The following SBF2 variants were observed in gnomAD, a reference collection of about 807,000 sequenced individuals.
The protein encoded by SBF2 is myotubularin-related protein 13.
Under a neutral mutation model 225.2 loss-of-function variants are expected in SBF2, and 112 were observed. The ratio of observed to expected loss-of-function variants is 0.50; its 90% CI spans 0.43 to 0.58. The LOEUF is 0.58. SBF2 is among the 20% of genes least tolerant of loss of function. The pLI is 0.00. For synonymous variants in SBF2, 763 were observed against 773.3 expected, an observed-to-expected ratio of 0.99 and a Z score of 0.22; for missense variants, 1,996 against 2,206.2, an observed-to-expected ratio of 0.90 and a Z score of 1.91.
chr11:9,970,299 C>T (rs542491707), intron 13 of SBF2, among the ~76,000 whole-genome samples: 45 of 151,978 alleles, frequency 3.0e-4, no homozygotes, highest in Non-Finnish European at 6.2e-4. Flanking sequence ...CTCCACCTCC[C>T]GGGTTCACAC....
intron 17 of SBF2, among the ~76,000 whole-genome samples, chr11:9,858,730 T>A (rs1215275905): frequency 6.6e-6 from 1 of 152,208 alleles, no homozygotes; most frequent in Non-Finnish European, 1.5e-5. Context: ...TATAATAAAA[T>A]CCATCACGAT....
intron 1 of SBF2, among the ~76,000 whole-genome samples, chr11:10,279,375 T>G (rs1433927580): frequency 7.0e-6 from 1 of 142,810 alleles, no homozygotes; most frequent in Non-Finnish European, 1.5e-5. Flanking sequence ...GTCGCACCAT[T>G]GCACTCCAGC....
intron 16 of SBF2, chr11:9,915,702 T>C (rs1300359240): frequency 6.6e-6 from 1 of 152,064 alleles, no homozygotes; most frequent in East Asian, 1.9e-4. Flanking sequence ...GTTGACCAAA[T>C]AAATAAAATG....
At chr11:10,226,812 C>T (rs557334501) in intron 1 of SBF2, among the ~76,000 whole-genome samples, 138 of 152,240 alleles carry the variant, frequency 9.1e-4, no homozygotes, top group African/African-American at 3.2e-3. Flanking sequence ...GTCTTTATAG[C>T]AGCATGATTT....
intron 13 of SBF2, among the ~76,000 whole-genome samples, chr11:9,970,664 C>T (rs2134395497): frequency 6.6e-6 from 1 of 152,312 alleles, no homozygotes; most frequent in Middle Eastern, 3.4e-3. Flanking sequence ...CACATGGGTT[C>T]CAGTTCTTGC....
chr11:9,846,434 G>T (rs965856925), intron 23 of SBF2, among the ~76,000 whole-genome samples: 1 of 152,186 alleles, frequency 6.6e-6, no homozygotes, highest in East Asian at 1.9e-4. Context: ...TTCTTCCAGG[G>T]TCTGGTTTGC....
At chr11:9,877,544 C>A (rs1212209938) in intron 17 of SBF2, among the ~76,000 whole-genome samples, 2 of 152,098 alleles carry the variant, frequency 1.3e-5, no homozygotes, top group East Asian at 1.9e-4. Flanking sequence ...TATCCCTACC[C>A]CAATCCCCAA....
intron 1 of SBF2, among the ~76,000 whole-genome samples, chr11:10,278,279 G>A (rs1018073890): frequency 2.0e-5 from 3 of 152,116 alleles, no homozygotes; most frequent in Non-Finnish European, 4.4e-5. Context: ...ACATTGATAA[G>A]TATATGGGAA....
At chr11:9,837,071 C>A (rs1855774604) in intron 26 of SBF2, among the ~76,000 whole-genome samples, 1 of 152,056 alleles carries the variant, frequency 6.6e-6, no homozygotes. Context: ...AATTTTTATA[C>A]CTTTTATTAC....
chr11:10,121,637 A>C (rs1045016015), intron 2 of SBF2, among the ~76,000 whole-genome samples: 3 of 152,368 alleles, frequency 2.0e-5, no homozygotes, highest in East Asian at 1.9e-4. Flanking sequence ...AAACAAAAAC[A>C]ACCAACATTG....
chr11:10,134,780 A>G (rs1954268313), intron 2 of SBF2, among the ~76,000 whole-genome samples: 1 of 152,160 alleles, frequency 6.6e-6, no homozygotes, highest in South Asian at 2.1e-4. Flanking sequence ...TGCAGGGTAT[A>G]GCCTCCCTCC....
intron 2 of SBF2, among the ~76,000 whole-genome samples, chr11:10,179,386 A>C (rs1015524764): frequency 8.4e-6 from 1 of 119,618 alleles, no homozygotes; most frequent in Non-Finnish European, 1.9e-5. Flanking sequence ...AAACAAAAAA[A>C]CAAAAAAAAA....
intron 2 of SBF2, among the ~76,000 whole-genome samples, chr11:10,111,679 C>T (rs1008943231): frequency 6.6e-6 from 1 of 152,082 alleles, no homozygotes; most frequent in Non-Finnish European, 1.5e-5. Flanking sequence ...AGTTCAAGAC[C>T]AGCCTGGCCA....
At position 9,781,405 on chromosome 11, in the gene SBF2, A is replaced by C. The variant is rs3763862; in HGVS notation, c.5451+102T>G. On this transcript the variant is annotated intron_variant, in intron 39 of 39. Transcript: ENST00000256190. ...CCATAGCCAAGGGGGTCTGTCATCC[A>C]TCTGTAGTCACCACCAATTACTCTG... 0.6 allele frequency: 898,558 copies of C among 1,496,014 alleles called. 279,718 individuals carry two copies. Among genetic ancestry groups the C allele is most frequent in the Non-Finnish European group, 0.65 (705,175 of 1,078,412 alleles). 92.7% of individuals were successfully genotyped at this position (1,496,014 alleles called of 1,614,324 possible).
intron 17 of SBF2, among the ~76,000 whole-genome samples, chr11:9,866,627 A>G (rs1170986012): frequency 6.6e-6 from 1 of 152,246 alleles, no homozygotes; most frequent in Non-Finnish European, 1.5e-5. Flanking sequence ...TGAAACTACT[A>G]GAAGAAAATA....
intron 16 of SBF2, among the ~76,000 whole-genome samples, chr11:9,944,700 C>T (rs535803163): frequency 6.6e-6 from 1 of 152,118 alleles, no homozygotes; most frequent in Non-Finnish European, 1.5e-5. Context: ...TTCAAGGATT[C>T]GAAGAATCAA....
chr11:9,784,715 C>A (rs532836393), intron 37 of SBF2, among the ~76,000 whole-genome samples: 1 of 152,280 alleles, frequency 6.6e-6, no homozygotes, highest in South Asian at 2.1e-4. Context: ...CAAAGCAGAG[C>A]CAGGAAGTGG....
At chr11:9,929,832 GA>G (rs1489545798) in intron 16 of SBF2, among the ~76,000 whole-genome samples, 1 of 152,180 alleles carries the variant, frequency 6.6e-6, no homozygotes, top group African/African-American at 2.4e-5. Flanking sequence ...GTTGAATCTT[GA>G]AGCACAGACA....
chr11:10,218,864 C>A (rs1268957919), intron 1 of SBF2, among the ~76,000 whole-genome samples: 2 of 152,194 alleles, frequency 1.3e-5, no homozygotes. Context: ...ATGCTGATGC[C>A]AGAGGTGGGC....
Sources: allele counts gnomAD v4.1 joint callset (sites outside exome capture counted in the v4.1 genomes callset), GRCh38; gene constraint gnomAD v4.1.1; transcripts MANE v1.5; gene names NCBI Gene and HGNC (gene_info 2026-07-23, HGNC 2026-07-21).